The following PRSS23 variants were observed in gnomAD, a reference collection of about 807,000 sequenced individuals.
The protein encoded by PRSS23 is serine protease 23.
In PRSS23, 25 loss-of-function variants were observed where a neutral mutation model predicts 34.7. The ratio of observed to expected loss-of-function variants is 0.72; its 90% CI spans 0.53 to 1.01. The LOEUF (loss-of-function observed/expected upper bound fraction) is 1.01. PRSS23 is among the 50% of genes least tolerant of loss of function. The pLI is 0.00. For synonymous variants in PRSS23, 176 were observed against 186.6 expected (o/e 0.94, Z 0.46); for missense variants, 445 against 475.6 (o/e 0.94, Z 0.60).
At chr11:86,939,426 A>ATATATATATTTTTTTT in intron 2 of PRSS23, among the ~76,000 whole-genome samples, 1,822 of 93,610 alleles carry the variant, frequency 0.019, 24 homozygotes, top group Non-Finnish European at 0.024. Flanking sequence ...ATATATATAT[A>ATATATATATTTTTTTT]TTTTTTAACA....
rs551930930 is a variant in PRSS23, at chr11:86,794,229, A to G, written c.-14+3034A>G. Among the ~76,000 whole-genome samples the G allele has an allele frequency of 1.6e-4, 25 of 152,320 alleles. No individual in the cohort carries two copies. The East Asian group carries it at 4.8e-3, about 29-fold the overall frequency. ...AAAGATTTCAGAAAAAAAATTTCCAATATAAAATCTTCATTTTCTCTTTTG... is the reference window on the plus strand; with the variant it reads ...AAAGATTTCAGAAAAAAAATTTCCAGTATAAAATCTTCATTTTCTCTTTTG... On this transcript the variant is annotated intron_variant, in intron 1 of 1. Coordinates refer to the PRSS23 transcript ENST00000527521.
intron 2 of PRSS23, among the ~76,000 whole-genome samples, chr11:86,894,639 T>C (rs1466342297): frequency 6.6e-6 from 1 of 152,064 alleles, no homozygotes; most frequent in Non-Finnish European, 1.5e-5. Context: ...GGAGAGGTAG[T>C]AGGAACAGGA....
chr11:86,879,119 A>T (rs1948748781), intron 2 of PRSS23, among the ~76,000 whole-genome samples: 1 of 130,456 alleles, frequency 7.7e-6, no homozygotes, highest in Non-Finnish European at 1.6e-5. Context: ...CCCGGCCGCC[A>T]TCCCGTCTAG....
chr11:86,902,240 A>G (rs989424945), intron 2 of PRSS23, among the ~76,000 whole-genome samples: 2 of 151,884 alleles, frequency 1.3e-5, no homozygotes, highest in African/African-American at 2.4e-5. Flanking sequence ...ATTCTCTACA[A>G]CCCCTCCCCT....
chr11:86,939,236 A>G (rs1949184838), intron 2 of PRSS23: 2 of 283,206 alleles, frequency 7.1e-6, no homozygotes, highest in African/African-American at 2.3e-5. Context: ...CATAAACAAA[A>G]AATTCTAATT....
chr11:86,827,715 A>T (rs933540477), intron 2 of PRSS23, among the ~76,000 whole-genome samples: 1 of 152,196 alleles, frequency 6.6e-6, no homozygotes, highest in Non-Finnish European at 1.5e-5. Flanking sequence ...GTTGGTTTCA[A>T]AGAACAACTT....
intron 2 of PRSS23, among the ~76,000 whole-genome samples, chr11:86,854,848 AAAAC>A (rs1265412523): frequency 6.6e-6 from 1 of 152,216 alleles, no homozygotes; most frequent in South Asian, 2.1e-4. Flanking sequence ...CCTGGGCTCA[AAAAC>A]AAACAAACAA....
intron 2 of PRSS23, among the ~76,000 whole-genome samples, chr11:86,862,613 T>A (rs1402317192): frequency 2.0e-5 from 3 of 151,768 alleles, no homozygotes; most frequent in Non-Finnish European, 4.4e-5. Context: ...AACCCTGTAA[T>A]AGTATTTGTA....
At chr11:86,886,556 G>A (rs1288784463) in intron 2 of PRSS23, among the ~76,000 whole-genome samples, 1 of 152,138 alleles carries the variant, frequency 6.6e-6, no homozygotes, top group Non-Finnish European at 1.5e-5. Flanking sequence ...TAAACTTCCT[G>A]CATATTAATC....
chr11:86,899,514 G>C (rs543466312), intron 2 of PRSS23, among the ~76,000 whole-genome samples: 1 of 109,948 alleles, frequency 9.1e-6, no homozygotes, highest in East Asian at 2.4e-4. Context: ...GTGAGACCCC[G>C]TTTCTTTTTT....
At chr11:86,872,500 T>C (rs1236571726) in intron 2 of PRSS23, among the ~76,000 whole-genome samples, 1 of 152,226 alleles carries the variant, frequency 6.6e-6, no homozygotes, top group Non-Finnish European at 1.5e-5. Context: ...CAGGTCAGAC[T>C]GTTAAGGTCA....
intron 2 of PRSS23, among the ~76,000 whole-genome samples, chr11:86,915,584 T>A (rs1949006575): frequency 6.8e-6 from 1 of 148,096 alleles, no homozygotes; most frequent in African/African-American, 2.5e-5. Context: ...ATATAAGTAA[T>A]ATATATATAA....
intron 2 of PRSS23, among the ~76,000 whole-genome samples, chr11:86,837,814 T>C (rs1196192182): frequency 6.6e-6 from 1 of 152,158 alleles, no homozygotes; most frequent in Non-Finnish European, 1.5e-5. Context: ...TGGAGATCGC[T>C]TTTAAGATGG....
chr11:86,829,560 T>C lies in PRSS23; in HGVS notation c.206+5967T>C, dbSNP rs930088468. Among the ~76,000 whole-genome samples, 15 of 152,014 alleles carry C rather than the reference T, an allele frequency of 9.9e-5. No individual in the cohort carries two copies. In the South Asian group the frequency reaches 1.5e-3, roughly 15 times the overall value. On this transcript the variant is annotated intron_variant, in intron 2 of 2. Coordinates refer to the PRSS23 transcript ENST00000533902. ...CTGCGTTCCTTTGGAGGAGGAGAGG[T>C]GCTCTGCTTTTTAGAGTTTCCAGTT...
At chr11:86,945,739 A>G (rs1310288737) in intron 2 of PRSS23, 2 of 152,690 alleles carry the variant, frequency 1.3e-5, no homozygotes, top group East Asian at 3.8e-4. Flanking sequence ...TTTTCTTTGT[A>G]CAGTGATAAA....
At chr11:86,832,903 G>A (rs1948371444) in intron 2 of PRSS23, 2 of 342,500 alleles carry the variant, frequency 5.8e-6, no homozygotes, top group Non-Finnish European at 1.1e-5. Context: ...CAAGGTGTGG[G>A]AGTTGAGAAG....
At chr11:86,918,163 A>G (rs1949025868) in intron 2 of PRSS23, among the ~76,000 whole-genome samples, 1 of 152,100 alleles carries the variant, frequency 6.6e-6, no homozygotes, top group Non-Finnish European at 1.5e-5. Flanking sequence ...GGATGAGCTC[A>G]TTTACGTAGG....
At chr11:86,878,919 ATCCCGTCTAGGAAGTGAGGAGCG>A (rs1165285958) in intron 2 of PRSS23, among the ~76,000 whole-genome samples, 12 of 118,102 alleles carry the variant, frequency 1.0e-4, no homozygotes, top group South Asian at 6.0e-4. Context: ...CCCGGCCGCC[ATCCCGTCTAGGAAGTGAGGAGCG>A]TCTCTGCCCG....
chr11:86,844,743 C>G (rs1948473658), intron 2 of PRSS23, among the ~76,000 whole-genome samples: 1 of 152,184 alleles, frequency 6.6e-6, no homozygotes, highest in South Asian at 2.1e-4. Context: ...GTTTTATCAT[C>G]TCTAGTTCTA....
Sources: gnomAD v4.1 joint callset for allele counts (sites outside exome capture counted in the v4.1 genomes callset) on GRCh38, gnomAD v4.1.1 for gene constraint, MANE v1.5 for transcripts, NCBI Gene and HGNC (gene_info 2026-07-23, HGNC 2026-07-21) for gene names.